Variants in DDX10 observed in about 807,000 individuals in gnomAD.
DDX10 encodes probable ATP-dependent RNA helicase DDX10.
DDX10 carries 74 observed loss-of-function variants against 104.3 expected under a neutral mutation model. The observed-to-expected ratio is 0.71, with a 90% CI of 0.59 to 0.86. DDX10 has a LOEUF of 0.86. Among genes scored for constraint, DDX10 ranks in the 40% least tolerant of loss-of-function variants. The pLI is 0.00. For synonymous variants in DDX10, 351 were observed against 353.4 expected (o/e 0.99, Z 0.08); for missense variants, 952 against 1,040.0 (o/e 0.92, Z 1.16).
intron 9 of DDX10, among the ~76,000 whole-genome samples, chr11:108,696,578 T>C (rs972009591): frequency 2.0e-5 from 3 of 152,108 alleles, no homozygotes; most frequent in Non-Finnish European, 4.4e-5. Flanking sequence ...AGTAAATGTG[T>C]AGTTGTGTAA....
At chr11:108,727,032 C>A (rs1380937593) in intron 13 of DDX10, among the ~76,000 whole-genome samples, 1 of 151,978 alleles carries the variant, frequency 6.6e-6, no homozygotes, top group Non-Finnish European at 1.5e-5. Flanking sequence ...TGAAAAACTC[C>A]ATTTAAGCAA....
intron 15 of DDX10, among the ~76,000 whole-genome samples, chr11:108,842,288 T>G (rs532825307): frequency 6.6e-6 from 1 of 152,142 alleles, no homozygotes; most frequent in East Asian, 1.9e-4. Context: ...TTTAAAGAAC[T>G]TTCTTTAGCG....
At chr11:108,934,655 G>C (rs1459402033) in intron 17 of DDX10, among the ~76,000 whole-genome samples, 1 of 152,190 alleles carries the variant, frequency 6.6e-6, no homozygotes, top group Admixed American at 6.5e-5. Flanking sequence ...GATGATTGCT[G>C]ATTACATCTC....
At chr11:108,685,343 G>C (rs2094242261) in intron 6 of DDX10, among the ~76,000 whole-genome samples, 1 of 151,298 alleles carries the variant, frequency 6.6e-6, no homozygotes, top group Admixed American at 6.6e-5. Context: ...GGAACTCCCT[G>C]ACCCCTTGCG....
chr11:108,869,702 C>T (rs899948677), intron 16 of DDX10, among the ~76,000 whole-genome samples: 5 of 151,834 alleles, frequency 3.3e-5, no homozygotes, highest in South Asian at 2.1e-4. Flanking sequence ...GTCAGTATAT[C>T]GATACTGACT....
At chr11:108,673,647 A>T in intron 2 of DDX10, 120 bp downstream of exon 2, 1 of 663,802 alleles carries the variant, frequency 1.5e-6, no homozygotes, top group Non-Finnish European at 2.6e-6. Flanking sequence ...ATATCATGAA[A>T]ACCAATGAAA....
At chr11:108,684,857 C>A (rs555257553) in intron 6 of DDX10, among the ~76,000 whole-genome samples, 1 of 146,776 alleles carries the variant, frequency 6.8e-6, no homozygotes, top group Admixed American at 6.8e-5. Flanking sequence ...TCCTCTCCAG[C>A]ACCTGTTGTT....
At chr11:108,872,177 A>G (rs1591104686) in intron 16 of DDX10, among the ~76,000 whole-genome samples, 1 of 152,230 alleles carries the variant, frequency 6.6e-6, no homozygotes, top group African/African-American at 2.4e-5. Context: ...GTGGATACCA[A>G]ACAATGGTAC....
chr11:108,917,791 A>C, intron 16 of DDX10, 82 bp from the exon 17 acceptor site: 9 of 1,371,960 alleles, frequency 6.6e-6, no homozygotes, highest in Non-Finnish European at 9.1e-6. Context: ...TTAGAGGGAT[A>C]TCCATTGGGG....
At chr11:108,871,217 A>T (rs187630234) in intron 16 of DDX10, among the ~76,000 whole-genome samples, 1 of 152,096 alleles carries the variant, frequency 6.6e-6, no homozygotes, top group African/African-American at 2.4e-5. Context: ...TAGGCTGCCC[A>T]TGTACCATAC....
intron 16 of DDX10, among the ~76,000 whole-genome samples, chr11:108,880,457 A>G (rs112944388): frequency 0.017 from 2,615 of 152,302 alleles, 31 homozygotes; most frequent in Non-Finnish European, 0.03. Flanking sequence ...TGTGTTGGAT[A>G]TGTAAAAATT....
At chr11:108,901,515 C>T (rs1863516627) in intron 16 of DDX10, among the ~76,000 whole-genome samples, 1 of 152,186 alleles carries the variant, frequency 6.6e-6, no homozygotes, top group Non-Finnish European at 1.5e-5. Context: ...ACATTTTACC[C>T]TGCATCCTAG....
intron 9 of DDX10, among the ~76,000 whole-genome samples, 153 bp downstream of exon 9, chr11:108,693,753 G>A (rs1021060402): frequency 6.6e-6 from 1 of 152,170 alleles, no homozygotes; most frequent in Non-Finnish European, 1.5e-5. Flanking sequence ...AATCATTATG[G>A]CTAAGACTTG....
chr11:108,896,659 C>A (rs1230607693), intron 16 of DDX10, among the ~76,000 whole-genome samples: 1 of 152,126 alleles, frequency 6.6e-6, no homozygotes, highest in Admixed American at 6.6e-5. Context: ...CATTCTGTAA[C>A]TGATACATAT....
chr11:108,917,143 C>G (rs757425029), intron 16 of DDX10, among the ~76,000 whole-genome samples: 17 of 150,968 alleles, frequency 1.1e-4, no homozygotes, highest in Non-Finnish European at 2.4e-4. Flanking sequence ...ATGGCTCACT[C>G]TAGCCTCAGC....
At chr11:108,875,788 A>G (rs899502685) in intron 16 of DDX10, among the ~76,000 whole-genome samples, 4 of 152,106 alleles carry the variant, frequency 2.6e-5, no homozygotes, top group Non-Finnish European at 5.9e-5. Context: ...TGCCCTTTAT[A>G]AGGAGGTGGT....
chr11:108,680,780 G>T (rs185346291), intron 6 of DDX10, among the ~76,000 whole-genome samples: 31 of 152,234 alleles, frequency 2.0e-4, no homozygotes, highest in African/African-American at 7.0e-4. Context: ...GAGAAAATAT[G>T]AGTATTCAGG....
Position 108,819,194 on chromosome 11 carries a change from A to G in DDX10, c.1966-19252A>G, listed in dbSNP as rs188968700. 1.3e-3 allele frequency among the ~76,000 whole-genome samples: 201 copies of G among 152,048 alleles called. 1 individual carries two copies. The highest frequency in any genetic ancestry group is 2.1e-3 in the Non-Finnish European group (146 of 67,976). On this transcript the variant is annotated intron_variant, in intron 13 of 17. Coordinates refer to ENST00000322536, the MANE Select transcript of DDX10 (RefSeq NM_004398.4). ...ATGTCTGTTTTGTTATATACATGCT[A>G]TCTTTTGGCCCAGAGTTATCACTGA...
chr11:108,753,626 CTAAAG>C (rs1018050089), intron 13 of DDX10, among the ~76,000 whole-genome samples: 4 of 151,910 alleles, frequency 2.6e-5, no homozygotes, highest in African/African-American at 9.7e-5. Context: ...AAATAGGAAA[CTAAAG>C]TAAGCATTTA....
Sources: gnomAD v4.1 joint callset for allele counts (sites outside exome capture counted in the v4.1 genomes callset) on GRCh38, gnomAD v4.1.1 for gene constraint, MANE v1.5 for transcripts, NCBI Gene and HGNC (gene_info 2026-07-23, HGNC 2026-07-21) for gene names.